The following EIF5B variants were observed in gnomAD, a reference collection of about 807,000 sequenced individuals.
EIF5B encodes the protein eIF-5B.
A neutral mutation model predicts 147.5 loss-of-function variants in EIF5B; 47 were observed. The ratio of observed to expected loss-of-function variants is 0.32; its 90% CI spans 0.25 to 0.41. The LOEUF is 0.41. Among genes scored for constraint, EIF5B ranks in the 10% least tolerant of loss-of-function variants. EIF5B has a pLI of 1.00. For missense variants in EIF5B, 1,064 were observed against 1,413.2 expected, an observed-to-expected ratio of 0.75 and a Z score of 3.96; for synonymous variants, 455 against 456.2, an observed-to-expected ratio of 1.00 and a Z score of 0.03.
At chr2:99,339,175 G>T (rs911427172) in intron 1 of EIF5B, among the ~76,000 whole-genome samples, 1 of 151,100 alleles carries the variant, frequency 6.6e-6, no homozygotes, top group Non-Finnish European at 1.5e-5. Flanking sequence ...CACCACATCC[G>T]GCTAGTTGTG....
chr2:99,338,329 G>T, intron 1 of EIF5B: 1 of 1,289,126 alleles, frequency 7.8e-7, no homozygotes, highest in Non-Finnish European at 1.0e-6. Flanking sequence ...AGAGATTTTT[G>T]AGACATTTCT....
intron 1 of EIF5B, among the ~76,000 whole-genome samples, chr2:99,350,128 C>CT (rs1673899667): frequency 6.6e-6 from 1 of 152,144 alleles, no homozygotes; most frequent in African/African-American, 2.4e-5. Context: ...GGATTTCATT[C>CT]TTTTTTATGG....
intron 1 of EIF5B, among the ~76,000 whole-genome samples, chr2:99,354,204 A>G (rs539135514): frequency 1.3e-5 from 2 of 152,064 alleles, no homozygotes; most frequent in African/African-American, 4.8e-5. Flanking sequence ...GGTTATTATC[A>G]CTATTATGGG....
intron 21 of EIF5B, among the ~76,000 whole-genome samples, chr2:99,396,548 C>T (rs1249757297): frequency 6.6e-6 from 1 of 152,158 alleles, no homozygotes; most frequent in Non-Finnish European, 1.5e-5. Flanking sequence ...ACTTGGGAAG[C>T]AACAGAATGG....
intron 1 of EIF5B, 147 bp from the exon 2 acceptor site, chr2:99,360,089 A>G: frequency 1.1e-6 from 1 of 896,298 alleles, no homozygotes; most frequent in Non-Finnish European, 1.6e-6. Flanking sequence ...AAGTAGATGT[A>G]ACTTGTGTTG....
intron 4 of EIF5B, 116 bp from the exon 5 acceptor site, chr2:99,363,529 C>A: frequency 9.9e-7 from 1 of 1,014,318 alleles, no homozygotes; most frequent in Non-Finnish European, 1.5e-6. Flanking sequence ...ACTTAGCCTG[C>A]TGCTGGCATC....
rs1271342709 is a variant in EIF5B at position 99,399,446 on chromosome 2, T to C, written c.*32T>C. On this transcript the variant is annotated 3_prime_UTR_variant, in exon 24 of 24. Transcript: ENST00000289371. ...CACATGGAGCAGGAACTGGAGTAAA[T>C]GCAATACTGTGTTGTAATATCCCAA... 1 of 1,586,904 alleles carries C rather than the reference T, an allele frequency of 6.3e-7. No individual in the cohort carries two copies. Among genetic ancestry groups the C allele is most frequent in the Non-Finnish European group, 8.6e-7 (1 of 1,156,622 alleles).
At chr2:99,344,215 C>T (rs575461053) in intron 1 of EIF5B, among the ~76,000 whole-genome samples, 4 of 152,138 alleles carry the variant, frequency 2.6e-5, no homozygotes, top group Non-Finnish European at 4.4e-5. Flanking sequence ...CCACCGCACC[C>T]GGCCTGCATT....
Position 99,397,841 on chromosome 2 carries a change from T to C in EIF5B, c.3394-907T>C, listed in dbSNP as rs1325072192. 2.6e-5 allele frequency: 4 copies of C among 152,330 alleles called. No individual in the cohort carries two copies. In the East Asian group the frequency reaches 5.8e-4, roughly 22 times the overall value. 9.4% of individuals were successfully genotyped at this position (152,330 alleles called of 1,614,324 possible). A position where few individuals can be genotyped will look rare whatever the true frequency, so the allele number is the denominator to read the frequency against. ...TTGCCTAAGTCAACTATTACGTAGA[T>C]GGTTGCAAAATTGTGGATATACCTG... On this transcript the variant is annotated intron_variant, in intron 22 of 23. Transcript: ENST00000289371.
intron 1 of EIF5B, among the ~76,000 whole-genome samples, chr2:99,358,403 A>G (rs541112109): frequency 6.6e-6 from 1 of 152,296 alleles, no homozygotes; most frequent in South Asian, 2.1e-4. Flanking sequence ...CAGAAGTAAG[A>G]CATCTGGCTA....
intron 1 of EIF5B, among the ~76,000 whole-genome samples, chr2:99,343,941 C>T (rs1275534847): frequency 3.3e-5 from 5 of 149,454 alleles, no homozygotes; most frequent in East Asian, 2.0e-4. Context: ...TTTTTTGAGA[C>T]GGAGTCTCGC....
chr2:99,384,385 A>G (rs1384890217), intron 14 of EIF5B, among the ~76,000 whole-genome samples: 1 of 152,174 alleles, frequency 6.6e-6, no homozygotes, highest in Non-Finnish European at 1.5e-5. Context: ...TGATTACCCA[A>G]GCTCTGATGG....
Position 99,364,374 on chromosome 2 carries a change from AAGCCAG to A in EIF5B, c.1252_1257del (p.Arg418_Ala419del). 6.2e-7 allele frequency: 1 copy of A among 1,610,740 alleles called. No homozygotes were observed. Among genetic ancestry groups the A allele is most frequent in the Non-Finnish European group, 8.5e-7 (1 of 1,179,290 alleles). ...AAACTTTTAACTAAATCCCAGAGAG[AAGCCAG>A]AGCCAGAGCCGAAGCTACTCTTAAA... On this transcript the variant is annotated inframe_deletion, in exon 6 of 24. Coordinates refer to ENST00000289371, the MANE Select transcript of EIF5B (RefSeq NM_015904.4).
chr2:99,388,827 A>C (rs1674863859), intron 14 of EIF5B, among the ~76,000 whole-genome samples: 1 of 152,164 alleles, frequency 6.6e-6, no homozygotes, highest in South Asian at 2.1e-4. Context: ...TGGCCTCCTA[A>C]GACGAGTTGA....
At position 99,386,479 on chromosome 2, in the gene EIF5B, G is replaced by C. The variant is rs1674810395; in HGVS notation, c.2272-3239G>C. ...TTTGTTTTGTTTTGCGTGTGTGTGT[G>C]TGTGTGTGTGTGTGTGTGTGTGTGT... On this transcript the variant is annotated intron_variant, in intron 14 of 23. Coordinates refer to ENST00000289371, the MANE Select transcript of EIF5B (RefSeq NM_015904.4). Among the ~76,000 whole-genome samples the C allele has an allele frequency of 7.4e-5, 4 of 54,238 alleles. No homozygotes were observed. In the Admixed American group the frequency reaches 1.2e-3, roughly 16 times the overall value. The allele number at this position is 54,238 out of a possible 152,430, so 35.6% of individuals were successfully genotyped here.
At chr2:99,392,889 A>T (rs552656170) in intron 17 of EIF5B, 78 bp from the exon 18 acceptor site, 29 of 1,265,488 alleles carry the variant, frequency 2.3e-5, no homozygotes, top group Non-Finnish European at 3.0e-5. Context: ...TAATATCATG[A>T]TGAGATTCTC....
At chr2:99,381,745 A>G (rs1042132217) in intron 12 of EIF5B, among the ~76,000 whole-genome samples, 1 of 152,094 alleles carries the variant, frequency 6.6e-6, no homozygotes, top group African/African-American at 2.4e-5. Context: ...TTTAAAATGT[A>G]CTTTTGGGAT....
At chr2:99,347,685 C>T (rs1339586861) in intron 1 of EIF5B, among the ~76,000 whole-genome samples, 3 of 151,882 alleles carry the variant, frequency 2.0e-5, no homozygotes, top group African/African-American at 4.8e-5. Context: ...AGCAAGAGCT[C>T]AATTCTTCTG....
At chr2:99,372,273 T>C (rs979223171) in intron 9 of EIF5B, among the ~76,000 whole-genome samples, 1 of 152,198 alleles carries the variant, frequency 6.6e-6, no homozygotes, top group Non-Finnish European at 1.5e-5. Context: ...TCAAATTCTG[T>C]AAGTCTGATA....
Sources: allele counts gnomAD v4.1 joint callset (sites outside exome capture counted in the v4.1 genomes callset), GRCh38; gene constraint gnomAD v4.1.1; transcripts MANE v1.5; gene names NCBI Gene and HGNC (gene_info 2026-07-23, HGNC 2026-07-21).